The following USP3 variants were observed in gnomAD, a reference collection of about 807,000 sequenced individuals.
The protein encoded by USP3 is ubiquitin specific peptidase 3, also known as ubiquitin carboxyl-terminal hydrolase 3.
Under a neutral mutation model 72.3 loss-of-function variants are expected in USP3, and 20 were observed. The observed-to-expected ratio is 0.28, with a 90% confidence interval of 0.19 to 0.40. The LOEUF is 0.40. Among genes scored for constraint, USP3 ranks in the 10% least tolerant of loss-of-function variants. USP3 has a pLI of 1.00. For missense variants in USP3, 479 were observed against 633.9 expected (o/e 0.76, Z 2.62); for synonymous variants, 222 against 225.3 (o/e 0.99, Z 0.13).
At chr15:63,581,550 ATTTTTTTTT>A (rs56376454) in intron 11 of USP3, among the ~76,000 whole-genome samples, 18 of 107,478 alleles carry the variant, frequency 1.7e-4, no homozygotes, top group African/African-American at 6.1e-4. Flanking sequence ...CACCCGGCTA[ATTTTTTTTT>A]TTTTTTTTTT....
At position 63,514,042 on chromosome 15, in the gene USP3, A is replaced by C. The variant is rs147781843; in HGVS notation, c.91+9212A>C. Among the ~76,000 whole-genome samples, 415 of 152,336 alleles carry C rather than the reference A, an allele frequency of 2.7e-3. 1 individual carries two copies. The highest frequency in any genetic ancestry group is 4.2e-3 in the Non-Finnish European group (287 of 68,036). ...TTGGATATTAATAGTGAGATGCTTT[A>C]GCATTGGAGAAATTGCTTTATAAAA... On this transcript the variant is annotated intron_variant, in intron 1 of 14. Coordinates refer to ENST00000380324, the MANE Select transcript of USP3 (RefSeq NM_006537.4).
chr15:63,552,301 A>G (rs1319561409), intron 3 of USP3, among the ~76,000 whole-genome samples: 1 of 152,218 alleles, frequency 6.6e-6, no homozygotes, highest in African/African-American at 2.4e-5. Context: ...GAGGTACCAA[A>G]TGCCCTAAGC....
In USP3 at chr15:63,591,972, T is replaced by C. The variant is rs2067209741; in HGVS notation, c.*1146T>C. On this transcript the variant is annotated 3_prime_UTR_variant, in exon 15 of 15. Transcript: ENST00000380324. ...CTCTGTTGCCCAGGCTGGAGTGCAG[T>C]GGCACGATCTCAGCTCATTGCAACC... is the stretch of plus-strand genomic sequence containing the variant. The C allele has an allele frequency of 6.6e-6, 1 of 152,244 alleles. No individual in the cohort carries two copies. Among genetic ancestry groups the C allele is most frequent in the East Asian group, 1.9e-4 (1 of 5,190 alleles). 9.4% of individuals were successfully genotyped at this position (152,244 alleles called of 1,614,324 possible).
In USP3 at chr15:63,504,609, G is replaced by A; in HGVS notation, c.-131G>A. ...AAGCCCGTGCTTTCTTTGACGCAAGGGCTCGAGACGCAGCCGCCGTCGGCC... is the reference window on the plus strand; with the variant it reads ...AAGCCCGTGCTTTCTTTGACGCAAGAGCTCGAGACGCAGCCGCCGTCGGCC... On this transcript the variant is annotated 5_prime_UTR_variant, in exon 1 of 15. Coordinates refer to ENST00000380324, the MANE Select transcript of USP3 (RefSeq NM_006537.4). The A allele has an allele frequency of 1.4e-6, 1 of 692,554 alleles. No homozygotes were observed. The allele number at this position is 692,554 out of a possible 1,614,324, so 42.9% of individuals were successfully genotyped here. A position where few individuals can be genotyped will look rare whatever the true frequency, so the allele number is the denominator to read the frequency against.
At chr15:63,571,216 T>A (rs568300860) in intron 9 of USP3, among the ~76,000 whole-genome samples, 10 of 152,334 alleles carry the variant, frequency 6.6e-5, no homozygotes, top group Admixed American at 1.3e-4. Context: ...TGCAGCCTCC[T>A]TTGTTCAAAT....
rs1277345169 is a variant in USP3, at chr15:63,574,744, A to C, written c.1096+341A>C. Among the ~76,000 whole-genome samples, 1 of 152,264 alleles carries C rather than the reference A, an allele frequency of 6.6e-6. No homozygotes were observed. The highest frequency in any genetic ancestry group is 1.5e-5 in the Non-Finnish European group (1 of 68,040). On this transcript the variant is annotated intron_variant, in intron 11 of 14. Transcript: ENST00000380324. This position sits in a 1 kb window ranked among gnomAD's most constrained non-coding sequence, Gnocchi z 4.6. ...GCATCTATAGGAAGAAAGAATACTC[A>C]GCAGAGTTTTATAAATTATAGTATT... is the stretch of plus-strand genomic sequence containing the variant.
rs35244583 is a variant in USP3 at position 63,520,554 on chromosome 15, A to ATT, written c.92-12067_92-12066dup. On this transcript the variant is annotated intron_variant, in intron 1 of 14. Coordinates refer to ENST00000380324, the MANE Select transcript of USP3 (RefSeq NM_006537.4). ...TTTGTTTGTTTGATTTCTGTTTTAG[A>ATT]TTTTTTTTTTTTTTTTTTTTTTTTT... Among the ~76,000 whole-genome samples the ATT allele has an allele frequency of 1.0e-3, 107 of 105,404 alleles. 7 individuals are homozygous for ATT. The highest frequency in any genetic ancestry group is 2.6e-3 in the South Asian group (8 of 3,110). 69.1% of individuals were successfully genotyped at this position (105,404 alleles called of 152,430 possible). A position where few individuals can be genotyped will look rare whatever the true frequency, so the allele number is the denominator to read the frequency against.
intron 1 of USP3, among the ~76,000 whole-genome samples, chr15:63,524,329 T>C (rs1368955581): frequency 6.6e-6 from 1 of 152,228 alleles, no homozygotes; most frequent in East Asian, 1.9e-4. Context: ...TCACTTTTCC[T>C]AAACAACAGG....
At position 63,544,847 on chromosome 15, in the gene USP3, C is replaced by T; in HGVS notation, c.284+7691C>T. Reference sequence around the variant, plus strand: ...AGGAGATAAGAATATCTAAGCAAGGCTGACATTGTGGGGACCATCAAATAC... The same window carrying T: ...AGGAGATAAGAATATCTAAGCAAGGTTGACATTGTGGGGACCATCAAATAC... On this transcript the variant is annotated intron_variant, in intron 3 of 14. Transcript: ENST00000380324. This position sits in a 1 kb window ranked among gnomAD's most constrained non-coding sequence, Gnocchi z 4.2. 3 of 647,444 alleles carry T rather than the reference C, an allele frequency of 4.6e-6. No homozygotes were observed. In the Admixed American group the frequency reaches 7.4e-5, roughly 16 times the overall value. The allele number at this position is 647,444 out of a possible 1,614,324, so 40.1% of individuals were successfully genotyped here.
intron 7 of USP3, among the ~76,000 whole-genome samples, chr15:63,562,236 G>A (rs2066619187): frequency 1.3e-5 from 2 of 152,170 alleles, no homozygotes; most frequent in South Asian, 4.1e-4. Flanking sequence ...ATATGCCCAG[G>A]AAAAAAATGA....
chr15:63,538,969 G>A (rs186609859), intron 3 of USP3, among the ~76,000 whole-genome samples: 3 of 152,276 alleles, frequency 2.0e-5, no homozygotes, highest in African/African-American at 7.2e-5. Context: ...GAAGATTTCA[G>A]TAGAAATGAA....
rs2066022971 is a variant in USP3 at position 63,528,824 on chromosome 15, C to A, written c.92-3823C>A. On this transcript the variant is annotated intron_variant, in intron 1 of 14. Coordinates refer to ENST00000380324, the MANE Select transcript of USP3 (RefSeq NM_006537.4). The surrounding 1 kb of genome is among the most constrained non-coding windows in gnomAD (Gnocchi z 4.3). ...TCTTTTATTTGTACAATTACCTGTT[C>A]TCTTCTTAACAATAATTGAGAGTTT... Among the ~76,000 whole-genome samples, 1 of 152,164 alleles carries A rather than the reference C, an allele frequency of 6.6e-6. No homozygotes were observed. Among genetic ancestry groups the A allele is most frequent in the Non-Finnish European group, 1.5e-5 (1 of 68,020 alleles).
intron 9 of USP3, among the ~76,000 whole-genome samples, chr15:63,571,858 A>G (rs1566912791): frequency 1.3e-5 from 2 of 152,230 alleles, no homozygotes; most frequent in African/African-American, 4.8e-5. Flanking sequence ...ATTATCAAAT[A>G]TTAAAAATTC....
intron 1 of USP3, among the ~76,000 whole-genome samples, chr15:63,506,058 T>C (rs778957413): frequency 6.6e-6 from 1 of 152,178 alleles, no homozygotes; most frequent in Non-Finnish European, 1.5e-5. Flanking sequence ...TAACTGCGGT[T>C]TCCTGGCGCG....
At chr15:63,541,254 AG>A (rs1490280217) in intron 3 of USP3, among the ~76,000 whole-genome samples, 1 of 152,186 alleles carries the variant, frequency 6.6e-6, no homozygotes, top group Non-Finnish European at 1.5e-5. Context: ...TCTAGAAAAG[AG>A]GCTTGAATTT....
At chr15:63,566,536 A>T (rs1160463537) in intron 8 of USP3, among the ~76,000 whole-genome samples, 1 of 152,100 alleles carries the variant, frequency 6.6e-6, no homozygotes, top group African/African-American at 2.4e-5. Flanking sequence ...GCTGGTCTCA[A>T]ACTCCTGACC....
chr15:63,555,397 T>A (rs180894126), intron 4 of USP3, among the ~76,000 whole-genome samples: 1 of 151,804 alleles, frequency 6.6e-6, no homozygotes, highest in East Asian at 2.0e-4. Context: ...CTCCATCCAC[T>A]CTAATATGGT....
chr15:63,531,617 T>C (rs2066077230), intron 1 of USP3, among the ~76,000 whole-genome samples: 1 of 152,224 alleles, frequency 6.6e-6, no homozygotes, highest in Non-Finnish European at 1.5e-5. Context: ...AGGCCTGTTG[T>C]GATACGGGAT....
intron 3 of USP3, among the ~76,000 whole-genome samples, chr15:63,548,786 C>T (rs1172600717): frequency 1.3e-5 from 2 of 151,832 alleles, no homozygotes; most frequent in South Asian, 2.1e-4. Context: ...CTCTGTCTCC[C>T]GGGTTCAGGC....
Sources: gnomAD v4.1 joint callset for allele counts (sites outside exome capture counted in the v4.1 genomes callset) on GRCh38, gnomAD v4.1.1 for gene constraint, Gnocchi (gnomAD v3.1) non-coding constraint, MANE v1.5 for transcripts, NCBI Gene and HGNC (gene_info 2026-07-23, HGNC 2026-07-21) for gene names.